The following SLC4A8 variants were observed in gnomAD, a reference collection of about 807,000 sequenced individuals.
SLC4A8 encodes solute carrier family 4 member 8.
In SLC4A8, 40 loss-of-function variants were observed where a neutral mutation model predicts 125.0. The observed-to-expected ratio is 0.32, with a 90% confidence interval of 0.25 to 0.42. The LOEUF is 0.42. Among genes scored for constraint, SLC4A8 ranks in the 10% least tolerant of loss-of-function variants. The pLI is 1.00. For missense variants in SLC4A8, 863 were observed against 1,355.1 expected (o/e 0.64, Z 5.70); for synonymous variants, 456 against 476.0 (o/e 0.96, Z 0.55).
upstream of SLC4A8, among the ~76,000 whole-genome samples, chr12:51,421,592 C>G (rs988514196): frequency 1.3e-5 from 2 of 152,182 alleles, no homozygotes; most frequent in Non-Finnish European, 2.9e-5. Context: ...CCTACCTACT[C>G]CACTTCTGCC....
At chr12:51,488,640 T>A in intron 17 of SLC4A8, 59 bp from the exon 18 acceptor site, 1 of 1,290,512 alleles carries the variant, frequency 7.7e-7, no homozygotes, top group Non-Finnish European at 1.1e-6. Flanking sequence ...TCCAGTTTGA[T>A]ATGTTTTACC....
At chr12:51,441,779 G>A (rs987785242) in intron 2 of SLC4A8, among the ~76,000 whole-genome samples, 2 of 152,202 alleles carry the variant, frequency 1.3e-5, no homozygotes, top group African/African-American at 4.8e-5. Context: ...GAGAAAACTT[G>A]TCCTTTTGAT....
intron 1 of SLC4A8, chr12:51,403,178 C>T (rs1948425380): frequency 6.6e-6 from 3 of 456,148 alleles, no homozygotes; most frequent in Non-Finnish European, 1.3e-5. Flanking sequence ...ACAAGAACAA[C>T]AGCAACAAAC....
At chr12:51,412,499 C>T (rs1020425428) in intron 1 of SLC4A8, among the ~76,000 whole-genome samples, 1 of 152,154 alleles carries the variant, frequency 6.6e-6, no homozygotes, top group Non-Finnish European at 1.5e-5. Context: ...ACTGTAGTCA[C>T]CCTACTGTGC....
At chr12:51,471,217 C>G (rs1462660094) in intron 13 of SLC4A8, 70 bp from the exon 14 acceptor site, 1 of 1,448,156 alleles carries the variant, frequency 6.9e-7, no homozygotes. Context: ...ATGAATTAAC[C>G]ACATTTCTGA....
rs1200893056 is a variant in SLC4A8 at position 51,474,412 on chromosome 12, A to T, written c.1975A>T (p.Thr659Ser). ...GTACTGGAAGGACCACAACATCGTG[A>T]CAGCAGAAGTCCACTGGGCTAACCT... The part of the protein sequence containing the change: ...LQYWKDHNIV[T>S]AEVHWANLTV... Residue 659 changes from threonine (T) to serine (S), a missense_variant, in exon 15 of 25, where the codon ACA (threonine) becomes TCA (serine). By Grantham distance (58) the Thr-to-Ser change is moderately conservative. Transcript: ENST00000453097. 2 of 1,613,772 alleles carry T rather than the reference A, an allele frequency of 1.2e-6. No individual in the cohort carries two copies. The highest frequency in any genetic ancestry group is 2.2e-5 in the South Asian group (2 of 91,028).
At chr12:51,494,693 G>C in intron 20 of SLC4A8, 1 of 357,882 alleles carries the variant, frequency 2.8e-6, no homozygotes, top group Non-Finnish European at 5.0e-6. Flanking sequence ...GCTCTCTTAG[G>C]AGACACAGTG....
intron 2 of SLC4A8, chr12:51,441,096 C>A: frequency 9.7e-7 from 1 of 1,033,858 alleles, no homozygotes; most frequent in Non-Finnish European, 1.2e-6. Flanking sequence ...CAGTTCAGTG[C>A]GTTAATTCTT....
At chr12:51,393,856 C>A (rs1323135730) in intron 1 of SLC4A8, among the ~76,000 whole-genome samples, 1 of 152,204 alleles carries the variant, frequency 6.6e-6, no homozygotes, top group African/African-American at 2.4e-5. Context: ...TCTGTAGACC[C>A]TCTGGACTCT....
chr12:51,442,642 T>A (rs1236076415), intron 2 of SLC4A8, among the ~76,000 whole-genome samples: 2 of 152,162 alleles, frequency 1.3e-5, no homozygotes, highest in African/African-American at 4.8e-5. Flanking sequence ...CCTTTGTACG[T>A]AGACTTTTTT....
intron 16 of SLC4A8, 54 bp downstream of exon 16, chr12:51,475,260 C>A: frequency 1.0e-5 from 16 of 1,558,392 alleles, no homozygotes; most frequent in Non-Finnish European, 1.2e-5. Context: ...ATAACAGAAC[C>A]TTTTCTCAGC....
At chr12:51,460,315 G>T (rs1177870081) in intron 8 of SLC4A8, among the ~76,000 whole-genome samples, 4 of 152,136 alleles carry the variant, frequency 2.6e-5, no homozygotes, top group African/African-American at 9.7e-5. Context: ...GAGCCCAGGA[G>T]TTTGAGCCTG....
At position 51,452,161 on chromosome 12, in the gene SLC4A8, C is replaced by G; in HGVS notation, c.315C>G (p.Thr105=). ...AGCGTGTTCAGTTCATTCTTGGCAC[C>G]GAGGAAGATGAAGAGCATGTGCCTC... ...PSQRVQFILG[T]EEDEEHVPHE... is the part of the protein sequence containing the mutation. Residue 105 remains threonine, a synonymous_variant, in exon 4 of 25, where the codon ACC becomes ACG. Coordinates refer to ENST00000453097, the MANE Select transcript of SLC4A8 (RefSeq NM_001039960.3). 6.2e-7 allele frequency: 1 copy of G among 1,614,020 alleles called. No homozygotes were observed. The highest frequency in any genetic ancestry group is 8.5e-7 in the Non-Finnish European group (1 of 1,179,962).
chr12:51,427,159 T>C (rs899743702), intron 1 of SLC4A8, among the ~76,000 whole-genome samples: 5 of 151,886 alleles, frequency 3.3e-5, no homozygotes, highest in Admixed American at 6.6e-5. Context: ...AGGATGGTCT[T>C]GATCTCCTGA....
At chr12:51,410,475 A>G (rs1006545572) in intron 1 of SLC4A8, among the ~76,000 whole-genome samples, 1 of 144,436 alleles carries the variant, frequency 6.9e-6, no homozygotes, top group African/African-American at 2.6e-5. Context: ...TTTTTTTTTG[A>G]GATGGAGTTT....
At position 51,433,715 on chromosome 12, in the gene SLC4A8, T is replaced by C. The variant is rs1457392101; in HGVS notation, c.49-6993T>C. On this transcript the variant is annotated intron_variant, in intron 1 of 24. Coordinates refer to ENST00000453097, the MANE Select transcript of SLC4A8 (RefSeq NM_001039960.3). ...GAGACCTGATGTTCCTTTCTTTTCA[T>C]TTTTAATGATTTCAAACAAACTTTG... Among the ~76,000 whole-genome samples, 4 of 152,202 alleles carry C rather than the reference T, an allele frequency of 2.6e-5. No individual in the cohort carries two copies. In the East Asian group the frequency reaches 7.7e-4, roughly 29 times the overall value.
intron 21 of SLC4A8, among the ~76,000 whole-genome samples, chr12:51,496,724 G>A (rs1951469138): frequency 6.6e-6 from 1 of 152,190 alleles, no homozygotes; most frequent in Admixed American, 6.5e-5. Flanking sequence ...CTAGCCATCT[G>A]CAGATGATGT....
chr12:51,476,670 G>A (rs963684103), intron 16 of SLC4A8, among the ~76,000 whole-genome samples: 1 of 152,006 alleles, frequency 6.6e-6, no homozygotes, highest in African/African-American at 2.4e-5. Flanking sequence ...ATCAAAAATG[G>A]GGATGTGCTC....
At chr12:51,483,148 G>A (rs1951071990) in intron 16 of SLC4A8, among the ~76,000 whole-genome samples, 1 of 152,148 alleles carries the variant, frequency 6.6e-6, no homozygotes, top group South Asian at 2.1e-4. Context: ...CGGCCTTGGT[G>A]GAGGCTGAGC....
Sources: gnomAD v4.1 joint callset for allele counts (sites outside exome capture counted in the v4.1 genomes callset) on GRCh38, gnomAD v4.1.1 for gene constraint, MANE v1.5 for transcripts, NCBI Gene and HGNC (gene_info 2026-07-23, HGNC 2026-07-21) for gene names.